Variants in CFTR observed in about 807,000 individuals in gnomAD.
CFTR encodes cystic fibrosis transmembrane conductance regulator.
CFTR carries 181 observed loss-of-function variants against 171.6 expected under a neutral mutation model. The observed-to-expected ratio is 1.05, with a 90% CI of 0.93 to 1.19. The LOEUF (loss-of-function observed/expected upper bound fraction) is 1.19. CFTR is among the 50% of genes most tolerant of loss of function. The pLI, the probability that CFTR is intolerant of heterozygous loss-of-function variation, is 0.00. For missense variants in CFTR, 1,968 were observed against 1,734.7 expected, an observed-to-expected ratio of 1.13 and a Z score of -2.39; for synonymous variants, 583 against 608.0, an observed-to-expected ratio of 0.96 and a Z score of 0.60.
chr7:117,609,461 GCAGA>G (rs1222631464), intron 18 of CFTR, among the ~76,000 whole-genome samples: 2 of 152,100 alleles, frequency 1.3e-5, no homozygotes, highest in Non-Finnish European at 2.9e-5. Flanking sequence ...AATCCTTTCT[GCAGA>G]CAGTTACTTT....
intron 22 of CFTR, among the ~76,000 whole-genome samples, chr7:117,634,613 G>C (rs1409648056): frequency 2.0e-5 from 3 of 151,916 alleles, no homozygotes; most frequent in Non-Finnish European, 4.4e-5. Flanking sequence ...TCTAAGCACT[G>C]CTTTTTCTGC....
intron 8 of CFTR, 37 bp from the exon 9 acceptor site, chr7:117,541,979 G>T: frequency 9.9e-7 from 1 of 1,007,736 alleles, no homozygotes; most frequent in South Asian, 1.3e-5. Context: ...ATGCTATTCT[G>T]ATTCTATAAT....
At chr7:117,600,855 A>G (rs1792212848) in intron 15 of CFTR, among the ~76,000 whole-genome samples, 1 of 152,074 alleles carries the variant, frequency 6.6e-6, no homozygotes, top group South Asian at 2.1e-4. Flanking sequence ...AAATGACAGA[A>G]CTTGCTTACT....
intron 2 of CFTR, among the ~76,000 whole-genome samples, chr7:117,506,938 C>G (rs182785459): frequency 6.6e-6 from 1 of 152,240 alleles, no homozygotes; most frequent in African/African-American, 2.4e-5. Context: ...TGGGAAGTGA[C>G]CCTGGCTTCA....
chr7:117,626,873 T>C (rs1792658852), intron 21 of CFTR, among the ~76,000 whole-genome samples: 1 of 152,052 alleles, frequency 6.6e-6, no homozygotes, highest in African/African-American at 2.4e-5. Context: ...GTTACATGAA[T>C]AGATTTATAA....
intron 9 of CFTR, among the ~76,000 whole-genome samples, chr7:117,544,308 C>T (rs1242768510): frequency 2.6e-5 from 4 of 152,134 alleles, no homozygotes; most frequent in African/African-American, 9.7e-5. Flanking sequence ...TTATATGGGT[C>T]TATAATCCTT....
At chr7:117,561,104 G>T (rs537500754) in intron 11 of CFTR, among the ~76,000 whole-genome samples, 2 of 151,976 alleles carry the variant, frequency 1.3e-5, no homozygotes, top group South Asian at 4.2e-4. Context: ...AGTACTGTGG[G>T]TCTCTCATTC....
At chr7:117,638,928 C>G (rs1337497447) in intron 22 of CFTR, among the ~76,000 whole-genome samples, 2 of 152,018 alleles carry the variant, frequency 1.3e-5, no homozygotes. Context: ...GAAGTCAACT[C>G]AAATTTAGTA....
chr7:117,508,428 A>T (rs558649039), intron 2 of CFTR, among the ~76,000 whole-genome samples: 1 of 152,330 alleles, frequency 6.6e-6, no homozygotes, highest in South Asian at 2.1e-4. Flanking sequence ...TAGAAAATAT[A>T]TAATTTGATC....
At chr7:117,488,929 A>G (rs1292735888) in intron 1 of CFTR, among the ~76,000 whole-genome samples, 4 of 152,090 alleles carry the variant, frequency 2.6e-5, no homozygotes, top group Admixed American at 6.6e-5. Flanking sequence ...TTAGCAATAC[A>G]TAAAGGTATA....
intron 23 of CFTR, among the ~76,000 whole-genome samples, chr7:117,650,436 A>G (rs1793073028): frequency 6.6e-6 from 1 of 152,160 alleles, no homozygotes; most frequent in Non-Finnish European, 1.5e-5. Flanking sequence ...CCCATTTCAT[A>G]AAACATGGAA....
At chr7:117,631,563 T>G (rs1255802656) in intron 22 of CFTR, among the ~76,000 whole-genome samples, 1 of 152,196 alleles carries the variant, frequency 6.6e-6, no homozygotes, top group African/African-American at 2.4e-5. Flanking sequence ...CATGCCTATG[T>G]AATGAAGCCA....
chr7:117,614,613 GAGA>G lies in CFTR; in HGVS notation c.3371_3373del (p.Glu1124del), dbSNP rs397508548. On this transcript the variant is annotated inframe_deletion and splice_region_variant, in exon 21 of 27. Transcript: ENST00000003084. ...ATTTACGTCTTTTGTGCATCTATAGGAGAAGGAGAAGGAAGAGTTGGTATTATC... is the reference window on the plus strand; with the variant it reads ...ATTTACGTCTTTTGTGCATCTATAGGAGGAGAAGGAAGAGTTGGTATTATC... The G allele has an allele frequency of 5.0e-6, 8 of 1,598,774 alleles. No homozygotes were observed. The South Asian group carries it at 6.6e-5, about 13-fold the overall frequency.
At chr7:117,639,604 C>T (rs1447271321) in intron 22 of CFTR, among the ~76,000 whole-genome samples, 1 of 152,104 alleles carries the variant, frequency 6.6e-6, no homozygotes. Context: ...CTGCTTTCTC[C>T]ATTTGTAGTC....
At chr7:117,562,941 G>C (rs1415554918) in intron 11 of CFTR, among the ~76,000 whole-genome samples, 1 of 152,186 alleles carries the variant, frequency 6.6e-6, no homozygotes, top group East Asian at 1.9e-4. Context: ...CAGAACCAGA[G>C]TGTAAATAAG....
At chr7:117,536,801 C>A in intron 7 of CFTR, 128 bp downstream of exon 7, 1 of 814,760 alleles carries the variant, frequency 1.2e-6, no homozygotes, top group Non-Finnish European at 2.0e-6. Flanking sequence ...CATTTAAGTT[C>A]TGTCAATATT....
chr7:117,520,141 G>A (rs896848562), intron 3 of CFTR, among the ~76,000 whole-genome samples: 9 of 151,298 alleles, frequency 5.9e-5, no homozygotes, highest in African/African-American at 2.2e-4. Context: ...ATTTCTTTTT[G>A]TGTGTGTGAA....
chr7:117,511,026 C>T (rs1798508983), intron 3 of CFTR, among the ~76,000 whole-genome samples: 2 of 152,046 alleles, frequency 1.3e-5, no homozygotes, highest in African/African-American at 4.8e-5. Flanking sequence ...TTTCACCATA[C>T]CAGATTATGA....
At position 117,530,978 on chromosome 7, in the gene CFTR, C is replaced by T. The variant is rs1334980869; in HGVS notation, c.353C>T (p.Ser118Phe). The T allele has an allele frequency of 6.2e-7, 1 of 1,613,778 alleles. No homozygotes were observed. Among genetic ancestry groups the T allele is most frequent in the South Asian group, 1.1e-5 (1 of 91,068 alleles). The change falls in exon 4 of 27, where the codon TCT becomes TTT. Residue 118 changes from serine to phenylalanine, a missense_variant. Coordinates refer to ENST00000003084, the MANE Select transcript of CFTR (RefSeq NM_000492.4). ...SYDPDNKEER[S>F]IAIYLGIGLC... ...GACCCGGATAACAAGGAGGAACGCT[C>T]TATCGCGATTTATCTAGGCATAGGC...
Sources: allele counts gnomAD v4.1 joint callset (sites outside exome capture counted in the v4.1 genomes callset), GRCh38; gene constraint gnomAD v4.1.1; transcripts MANE v1.5; gene names NCBI Gene and HGNC (gene_info 2026-07-23, HGNC 2026-07-21).